Variants in DIDO1 observed in about 807,000 individuals in gnomAD.
DIDO1 encodes death-inducer obliterator 1.
In DIDO1, 16 loss-of-function variants were observed where a neutral mutation model predicts 99.4. The ratio of observed to expected loss-of-function variants is 0.16; its 90% CI spans 0.11 to 0.24. The LOEUF (loss-of-function observed/expected upper bound fraction) is 0.24. DIDO1 is among the 10% of genes least tolerant of loss of function. The pLI is 1.00. For missense variants in DIDO1, 2,996 were observed against 3,014.0 expected, an observed-to-expected ratio of 0.99 and a Z score of 0.14; for synonymous variants, 1,366 against 1,239.1, an observed-to-expected ratio of 1.10 and a Z score of -2.15.
rs1309906718 is a variant in DIDO1 at position 62,880,383 on chromosome 20, G to C, written c.5573C>G (p.Ala1858Gly). The C allele has an allele frequency of 6.2e-7, 1 of 1,612,884 alleles. No individual in the cohort carries two copies. Among genetic ancestry groups the C allele is most frequent in the Non-Finnish European group, 8.5e-7 (1 of 1,180,020 alleles). ...PHGEKREFQD[A>G]PYNEVTGAPA... ...GGCGCCCGTCACCTCGTTATACGGG[G>C]CGTCCTGGAACTCCCTCTTCTCCCC... The change falls in exon 16 of 16, where the codon GCC (alanine) becomes GGC (glycine). Residue 1858 changes from alanine to glycine, a missense_variant. Transcript: ENST00000395343.
chr20:62,928,803 G>T (rs2065293628), upstream of DIDO1: 1 of 152,204 alleles, frequency 6.6e-6, no homozygotes, highest in Non-Finnish European at 1.5e-5. Context: ...GCTCCAGCAG[G>T]AAGCTTAATA....
chr20:62,923,615 G>GT (rs1297147345), intron 1 of DIDO1, among the ~76,000 whole-genome samples: 4 of 152,248 alleles, frequency 2.6e-5, no homozygotes, highest in Non-Finnish European at 4.4e-5. Context: ...CAAAACAGCT[G>GT]TAACGTGGAG....
At chr20:62,936,249 A>G (rs2065382182) in intron 1 of DIDO1, among the ~76,000 whole-genome samples, 1 of 152,056 alleles carries the variant, frequency 6.6e-6, no homozygotes, top group South Asian at 2.1e-4. Flanking sequence ...CCCGTCTCTA[A>G]AAAACTTTAA....
rs1348607620 is a variant in DIDO1, at chr20:62,881,364, T to C, written c.4592A>G (p.Lys1531Arg). 6.2e-7 allele frequency: 1 copy of C among 1,606,168 alleles called. No individual in the cohort carries two copies. Among genetic ancestry groups the C allele is most frequent in the Non-Finnish European group, 8.5e-7 (1 of 1,179,888 alleles). The change falls in exon 16 of 16, where the codon AAG (lysine) becomes AGG (arginine). Residue 1531 changes from lysine (K) to arginine (R), a missense_variant. Physicochemically the swap from Lys to Arg is conservative, Grantham distance 26. Coordinates refer to ENST00000395343, the MANE Select transcript of DIDO1 (RefSeq NM_001193369.2). The surrounding 1 kb of genome is among the most constrained non-coding windows in gnomAD (Gnocchi z 8.3). ...CTGCTCTTGCTGGAACAGCTCTGCC[T>C]TGGGCAAGGACGACTTTGGTGGTGG... ...MSPPPKSSLP[K>R]AELFQQEQQS...
At chr20:62,922,371 C>A (rs1156270549) in intron 1 of DIDO1, among the ~76,000 whole-genome samples, 5 of 152,058 alleles carry the variant, frequency 3.3e-5, no homozygotes, top group African/African-American at 7.2e-5. Context: ...CTGACAGCTG[C>A]AGCCAGCAGT....
In DIDO1 at chr20:62,910,788, C is replaced by T; in HGVS notation, c.825G>A (p.Gln275=). The change falls in exon 3 of 16, where the codon CAG becomes CAA. Residue 275 remains glutamine, a synonymous_variant. Transcript: ENST00000395343. ...ACATGACCCACCTGTTGTTGTGAGG[C>T]TGGCGGCAAATGCAATACAGGGCGT... ...DPNALYCICR[Q]PHNNRFMICC... The T allele has an allele frequency of 6.2e-7, 1 of 1,611,198 alleles. No homozygotes were observed. The highest frequency in any genetic ancestry group is 8.5e-7 in the Non-Finnish European group (1 of 1,177,482).
chr20:62,911,010 C>A lies in DIDO1; in HGVS notation c.603G>T (p.Val201=). 1 of 1,614,068 alleles carries A rather than the reference C, an allele frequency of 6.2e-7. No homozygotes were observed. Among genetic ancestry groups the A allele is most frequent in the Non-Finnish European group, 8.5e-7 (1 of 1,180,018 alleles). The change falls in exon 3 of 16, where the codon GTG becomes GTT. Residue 201 remains valine, a synonymous_variant. Coordinates refer to ENST00000395343, the MANE Select transcript of DIDO1 (RefSeq NM_001193369.2). The surrounding 1 kb of genome is among the most constrained non-coding windows in gnomAD (Gnocchi z 7.0). The part of the protein sequence containing the change: ...KRREEGPAET[V]GSEASDTVEG... ...CCACAGTGTCACTGGCCTCGGAGCC[C>A]ACAGTCTCGGCGGGACCCTCCTCCC...
chr20:62,928,348 C>T (rs116717470), upstream of DIDO1, among the ~76,000 whole-genome samples: 2,208 of 152,246 alleles, frequency 0.015, 56 homozygotes, highest in African/African-American at 0.049. Flanking sequence ...CAGTGCTCAG[C>T]GATACGCAGA....
At position 62,879,594 on chromosome 20, in the gene DIDO1, C is replaced by G. The variant is rs752079698; in HGVS notation, c.6362G>C (p.Arg2121Pro). ...CCAGTCCCGCTCTCGGCTCCAGTTTCGGCCGCGCTCGCGCTCTCTCCTCCT... is the reference window on the plus strand; with the variant it reads ...CCAGTCCCGCTCTCGGCTCCAGTTTGGGCCGCGCTCGCGCTCTCTCCTCCT... ...EDRRRERERGRNWSRERDWDR... is the reference protein window; with the variant it reads ...EDRRRERERGPNWSRERDWDR... The change falls in exon 16 of 16, where the codon CGA becomes CCA. Residue 2121 changes from arginine (R) to proline (P), a missense_variant. Around this residue, in one of 5 missense-constraint regions of DIDO1, gnomAD observed 1,562 missense variants for 1,412.6 expected, o/e 1.11. Transcript: ENST00000395343. This position sits in a 1 kb window ranked among gnomAD's most constrained non-coding sequence, Gnocchi z 6.3. The G allele has an allele frequency of 1.9e-6, 3 of 1,603,136 alleles. No homozygotes were observed. Among genetic ancestry groups the G allele is most frequent in the East Asian group, 2.2e-5 (1 of 44,866 alleles).
chr20:62,907,510 G>A (rs2064834054), intron 4 of DIDO1, 151 bp from the exon 5 acceptor site: 3 of 801,640 alleles, frequency 3.7e-6, no homozygotes, highest in Non-Finnish European at 5.8e-6. Context: ...ACATTTTGTT[G>A]ATTCAAGCTA....
chr20:62,893,153 G>C (rs1473006322), intron 12 of DIDO1, among the ~76,000 whole-genome samples, 191 bp from the exon 13 acceptor site: 1 of 152,060 alleles, frequency 6.6e-6, no homozygotes, highest in African/African-American at 2.4e-5. Context: ...AGCCTTTCAA[G>C]TAGCTGGGAC....
chr20:62,896,091 G>C lies in DIDO1; in HGVS notation c.2214+142C>G. ...GCTCAACGCCAGTGCAACAATACGT[G>C]GGCGGCAGAAGGATCACAGAGGAGA... On this transcript the variant is annotated intron_variant, in intron 8 of 15. Coordinates refer to ENST00000395343, the MANE Select transcript of DIDO1 (RefSeq NM_001193369.2). This position sits in a 1 kb window ranked among gnomAD's most constrained non-coding sequence, Gnocchi z 4.4. The C allele has an allele frequency of 2.2e-6, 2 of 922,312 alleles. No individual in the cohort carries two copies. Among genetic ancestry groups the C allele is most frequent in the South Asian group, 3.5e-5 (2 of 56,490 alleles). The allele number at this position is 922,312 out of a possible 1,614,324, so 57.1% of individuals were successfully genotyped here. A position where few individuals can be genotyped will look rare whatever the true frequency, so the allele number is the denominator to read the frequency against.
chr20:62,918,043 G>A (rs2065070333), intron 1 of DIDO1, among the ~76,000 whole-genome samples: 1 of 152,220 alleles, frequency 6.6e-6, no homozygotes, highest in Admixed American at 6.5e-5. Context: ...GACATCAGAA[G>A]AGACTTTAAA....
In DIDO1 at chr20:62,906,025, C is replaced by T. The variant is rs2064795125; in HGVS notation, c.1450G>A (p.Val484Met). 1 of 1,613,994 alleles carries T rather than the reference C, an allele frequency of 6.2e-7. No homozygotes were observed. The highest frequency in any genetic ancestry group is 8.5e-7 in the Non-Finnish European group (1 of 1,180,032). ...KKETTVKKAV[V>M]VPARSEALGK... is the part of the protein sequence containing the mutation. ...AGTGCTTCACTCCGCGCAGGGACCA[C>T]CACTGCCTTCTTCACTGTGGTCTCT... Residue 484 changes from valine (V) to methionine (M), a missense_variant, in exon 6 of 16, where the codon GTG becomes ATG. Physicochemically the swap from Val to Met is conservative, Grantham distance 21. Transcript: ENST00000395343.
At chr20:62,904,057 T>C (rs1230189320) in intron 6 of DIDO1, among the ~76,000 whole-genome samples, 1 of 152,250 alleles carries the variant, frequency 6.6e-6, no homozygotes, top group Non-Finnish European at 1.5e-5. Context: ...GTGGAGTCTC[T>C]GGCAGCTTTT....
Position 62,879,700 on chromosome 20 carries a change from T to C in DIDO1, c.6256A>G (p.Arg2086Gly). 6.2e-7 allele frequency: 1 copy of C among 1,611,110 alleles called. No individual in the cohort carries two copies. The highest frequency in any genetic ancestry group is 8.5e-7 in the Non-Finnish European group (1 of 1,179,798). ...HEYRNQTFEGRQRERFDVGPK... is the reference protein window; with the variant it reads ...HEYRNQTFEGGQRERFDVGPK... ...CCCACGTCAAACCGCTCTCTCTGCC[T>C]CCCTTCGAAAGTCTGGTTTCTGTAT... The change falls in exon 16 of 16, where the codon AGG becomes GGG. Residue 2086 changes from arginine to glycine, a missense_variant. Transcript: ENST00000395343. The surrounding 1 kb of genome is among the most constrained non-coding windows in gnomAD (Gnocchi z 6.3).
chr20:62,928,047 G>A (rs2065283021), upstream of DIDO1, among the ~76,000 whole-genome samples: 1 of 152,190 alleles, frequency 6.6e-6, no homozygotes, highest in African/African-American at 2.4e-5. Context: ...AAGACCACAT[G>A]AGGCCTCCCT....
rs2064165679 is a variant in DIDO1, at chr20:62,879,799, TGGA to T, written c.6154_6156del (p.Ser2053del). Reference sequence around the variant, plus strand: ...GCCTCGGGGCCCTGTCCGGGCGCACTGGAGGAGAGCGCGGAGGGCGGCCCGGCC... The same window carrying T: ...GCCTCGGGGCCCTGTCCGGGCGCACTGGAGAGCGCGGAGGGCGGCCCGGCC... On this transcript the variant is annotated inframe_deletion, in exon 16 of 16. Coordinates refer to ENST00000395343, the MANE Select transcript of DIDO1 (RefSeq NM_001193369.2). This position sits in a 1 kb window ranked among gnomAD's most constrained non-coding sequence, Gnocchi z 6.3. 3 of 1,611,092 alleles carry T rather than the reference TGGA, an allele frequency of 1.9e-6. No homozygotes were observed. In the East Asian group the frequency reaches 6.7e-5, roughly 36 times the overall value.
chr20:62,931,047 C>G (rs927041401), upstream of DIDO1, among the ~76,000 whole-genome samples: 1 of 152,124 alleles, frequency 6.6e-6, no homozygotes, highest in African/African-American at 2.4e-5. Context: ...CTCAAGCAAC[C>G]CTCCTGCCTC....
Sources: gnomAD v4.1 joint callset for allele counts (sites outside exome capture counted in the v4.1 genomes callset) on GRCh38, gnomAD v4.1.1 for gene constraint, gnomAD v4.1.1 regional missense constraint, Gnocchi (gnomAD v3.1) non-coding constraint, MANE v1.5 for transcripts, NCBI Gene and HGNC (gene_info 2026-07-23, HGNC 2026-07-21) for gene names.